PECR: variants seen among roughly 807,000 people sequenced by gnomAD.
PECR encodes the protein peroxisomal trans-2-enoyl-CoA reductase.
In PECR, 30 loss-of-function variants were observed where a neutral mutation model predicts 35.3. The observed-to-expected ratio is 0.85, with a 90% confidence interval of 0.64 to 1.15. The LOEUF (loss-of-function observed/expected upper bound fraction) is 1.15, where lower values mean the gene tolerates loss of function less well. Among genes scored for constraint, PECR ranks in the 50% most tolerant of loss-of-function variants. The probability of loss-of-function intolerance (pLI) is 0.00; values close to 1 mark genes in which losing one functional copy is unlikely to be tolerated. For synonymous variants in PECR, 148 were observed against 138.9 expected, an observed-to-expected ratio of 1.07 and a Z score of -0.46; for missense variants, 392 against 370.8, an observed-to-expected ratio of 1.06 and a Z score of -0.47.
intron 1 of PECR, among the ~76,000 whole-genome samples, chr2:216,068,304 A>G (rs1268253958): frequency 1.3e-5 from 2 of 151,920 alleles, no homozygotes; most frequent in Non-Finnish European, 2.9e-5. Flanking sequence ...ATGAAGAGAA[A>G]AATCTTAAAA....
chr2:216,043,071 G>GTGTA (rs1553560240), intron 7 of PECR, among the ~76,000 whole-genome samples: 2,171 of 127,674 alleles, frequency 0.017, 172 homozygotes, highest in African/African-American at 0.054. Context: ...ATATATGTAT[G>GTGTA]TATATATATA....
At chr2:216,079,458 C>T (rs1695783063) in intron 1 of PECR, among the ~76,000 whole-genome samples, 1 of 151,322 alleles carries the variant, frequency 6.6e-6, no homozygotes, top group African/African-American at 2.4e-5. Flanking sequence ...ACCTCTGCCT[C>T]CCGGGTTCAC....
At chr2:216,048,441 G>A (rs72952617) in intron 6 of PECR, among the ~76,000 whole-genome samples, 2,802 of 151,720 alleles carry the variant, frequency 0.018, 43 homozygotes, top group South Asian at 0.038. Flanking sequence ...TAGGTGTGGC[G>A]GCTCACACAT....
chr2:216,073,660 A>AAATACCAT (rs969262151), intron 1 of PECR, among the ~76,000 whole-genome samples: 2 of 151,946 alleles, frequency 1.3e-5, no homozygotes, highest in African/African-American at 4.8e-5. Flanking sequence ...TTTATAATAA[A>AAATACCAT]AATACCATAT....
downstream of PECR, among the ~76,000 whole-genome samples, chr2:216,037,160 C>T (rs900265204): frequency 6.6e-6 from 1 of 152,194 alleles, no homozygotes; most frequent in Non-Finnish European, 1.5e-5. Context: ...ACAAAATTTA[C>T]TAAGCGTAGT....
intron 4 of PECR, 27 bp downstream of exon 4, chr2:216,058,867 AG>A: frequency 1.5e-6 from 2 of 1,325,698 alleles, no homozygotes; most frequent in Non-Finnish European, 1.1e-6. Context: ...TCAAAGACTT[AG>A]AAAGAAAACT....
intron 4 of PECR, among the ~76,000 whole-genome samples, chr2:216,056,256 A>C (rs954745528): frequency 6.6e-6 from 1 of 152,178 alleles, no homozygotes; most frequent in African/African-American, 2.4e-5. Context: ...AATTTAAAAA[A>C]AAGGAGTGCT....
intron 6 of PECR, 152 bp from the exon 7 acceptor site, chr2:216,044,167 A>G: frequency 1.5e-6 from 1 of 661,652 alleles, no homozygotes; most frequent in Non-Finnish European, 2.8e-6. Context: ...CAGTACATAG[A>G]CAACTTCCTT....
At position 216,052,034 on chromosome 2, in the gene PECR, A is replaced by G. The variant is rs77961387; in HGVS notation, c.507-489T>C. On this transcript the variant is annotated intron_variant, in intron 4 of 7. Coordinates refer to ENST00000265322, the MANE Select transcript of PECR (RefSeq NM_018441.6). ...AAACCCCATCTCTACTAAAAATACA[A>G]AAATTACCGGGCATGGTGGCAGGTA... Among the ~76,000 whole-genome samples the G allele has an allele frequency of 8.6e-3, 1,317 of 152,264 alleles. 25 individuals are homozygous for G. Among genetic ancestry groups the G allele is most frequent in the African/African-American group, 0.03 (1,242 of 41,542 alleles).
At chr2:216,043,159 G>A (rs1186997606) in intron 7 of PECR, among the ~76,000 whole-genome samples, 1 of 150,536 alleles carries the variant, frequency 6.6e-6, no homozygotes, top group African/African-American at 2.4e-5. Flanking sequence ...CCAGGCTAGA[G>A]TGCAGTGGCA....
chr2:216,066,267 T>G, intron 2 of PECR, 118 bp downstream of exon 2: 1 of 864,686 alleles, frequency 1.2e-6, no homozygotes. Context: ...CAGCCTCTGC[T>G]TCTAGTGAGC....
intron 4 of PECR, among the ~76,000 whole-genome samples, chr2:216,054,651 C>T (rs1479798669): frequency 2.0e-5 from 3 of 151,526 alleles, no homozygotes; most frequent in African/African-American, 7.3e-5. Flanking sequence ...GACTTCTTTT[C>T]TGAAAAAATA....
At position 216,068,250 on chromosome 2, in the gene PECR, C is replaced by T. The variant is rs867591008; in HGVS notation, c.125-1732G>A. On this transcript the variant is annotated intron_variant, in intron 1 of 7. Coordinates refer to ENST00000265322, the MANE Select transcript of PECR (RefSeq NM_018441.6). ...CAAAAAAAAAAAAAAAAAAAAAAACCGGAACCAGAAATGACACTGATGATA... is the reference window on the plus strand; with the variant it reads ...CAAAAAAAAAAAAAAAAAAAAAAACTGGAACCAGAAATGACACTGATGATA... Among the ~76,000 whole-genome samples the T allele has an allele frequency of 2.6e-4, 37 of 141,028 alleles. No individual in the cohort carries two copies. The East Asian group carries it at 5.5e-3, about 21-fold the overall frequency. 92.5% of individuals were successfully genotyped at this position (141,028 alleles called of 152,430 possible). A position where few individuals can be genotyped will look rare whatever the true frequency, so the allele number is the denominator to read the frequency against.
chr2:216,042,996 C>T (rs866389987), intron 7 of PECR, among the ~76,000 whole-genome samples: 23 of 119,442 alleles, frequency 1.9e-4, no homozygotes, highest in South Asian at 5.0e-4. Flanking sequence ...TATATACATA[C>T]GTATATGTGT....
rs781260173 is a variant in PECR, at chr2:216,051,473, T to C, written c.579A>G (p.Gly193=). 1.9e-6 allele frequency: 3 copies of C among 1,608,964 alleles called. No individual in the cohort carries two copies. Among genetic ancestry groups the C allele is most frequent in the Non-Finnish European group, 2.6e-6 (3 of 1,175,274 alleles). Residue 193 remains glycine, a synonymous_variant, in exon 5 of 8, where the codon GGA becomes GGG. Coordinates refer to ENST00000265322, the MANE Select transcript of PECR (RefSeq NM_018441.6). The stretch of plus-strand genomic sequence containing the variant: ...CAGGGGCAACACAATTGATCCGTAT[T>C]CCACTGCAGGCCCATTCCAAAGCTA... The part of the protein sequence containing the change: ...KSLALEWACS[G]IRINCVAPGV...
At chr2:216,065,504 A>T (rs1352214816) in intron 2 of PECR, 27 bp from the exon 3 acceptor site, 5 of 1,460,926 alleles carry the variant, frequency 3.4e-6, no homozygotes, top group Non-Finnish European at 4.8e-6. Context: ...GAAGTTACTA[A>T]AAGGAAAAGT....
intron 2 of PECR, 133 bp downstream of exon 2, chr2:216,066,252 T>C: frequency 2.5e-6 from 2 of 816,240 alleles, no homozygotes; most frequent in South Asian, 1.4e-5. Context: ...TGAGAATCTC[T>C]TTCACAGCCT....
chr2:216,055,961 C>T (rs1388216868), intron 4 of PECR, among the ~76,000 whole-genome samples: 1 of 152,194 alleles, frequency 6.6e-6, no homozygotes, highest in Non-Finnish European at 1.5e-5. Context: ...CCTCATATGT[C>T]ACCAAACTCG....
downstream of PECR, among the ~76,000 whole-genome samples, chr2:216,034,784 C>T (rs150265090): frequency 2.0e-5 from 3 of 152,212 alleles, no homozygotes; most frequent in East Asian, 5.8e-4. Flanking sequence ...CCGCCTCCCA[C>T]GTTAATGTCC....
Sources: gnomAD v4.1 joint callset for allele counts (sites outside exome capture counted in the v4.1 genomes callset) on GRCh38, gnomAD v4.1.1 for gene constraint, MANE v1.5 for transcripts, NCBI Gene and HGNC (gene_info 2026-07-23, HGNC 2026-07-21) for gene names.